THRB: variants seen among roughly 807,000 people sequenced by gnomAD.
THRB encodes the protein nuclear receptor subfamily 1 group A member 2.
A neutral mutation model predicts 47.8 loss-of-function variants in THRB; 12 were observed. The observed-to-expected ratio is 0.25, with a 90% CI of 0.16 to 0.41. THRB has a LOEUF of 0.41. Among genes scored for constraint, THRB ranks in the 10% least tolerant of loss-of-function variants. THRB has a pLI of 1.00. For missense variants in THRB, 348 were observed against 589.2 expected (o/e 0.59, Z 4.24); for synonymous variants, 218 against 212.2 (o/e 1.03, Z -0.24).
At chr3:24,429,573 G>A (rs2070150926) in intron 1 of THRB, among the ~76,000 whole-genome samples, 1 of 152,088 alleles carries the variant, frequency 6.6e-6, no homozygotes, top group South Asian at 2.1e-4. Flanking sequence ...GTGAAGACGA[G>A]AGAATTATCA....
intron 5 of THRB, among the ~76,000 whole-genome samples, chr3:24,183,391 G>T: frequency 7.8e-6 from 1 of 128,622 alleles, no homozygotes; most frequent in South Asian, 2.5e-4. Context: ...TTTTGAGACA[G>T]AGTCTCACTC....
chr3:24,153,703 A>G (rs758458527), intron 5 of THRB, among the ~76,000 whole-genome samples: 6 of 152,110 alleles, frequency 3.9e-5, no homozygotes, highest in Non-Finnish European at 7.4e-5. Flanking sequence ...CCCTCTATCA[A>G]TGGTTTACCA....
intron 2 of THRB, among the ~76,000 whole-genome samples, chr3:24,314,781 G>A (rs902018352): frequency 6.6e-6 from 1 of 152,096 alleles, no homozygotes; most frequent in African/African-American, 2.4e-5. Flanking sequence ...CATATTCCAG[G>A]TGTCCCCTCA....
At chr3:24,245,198 T>G (rs1444853663) in intron 3 of THRB, among the ~76,000 whole-genome samples, 1 of 152,230 alleles carries the variant, frequency 6.6e-6, no homozygotes, top group Non-Finnish European at 1.5e-5. Context: ...GTAAGTTTTC[T>G]GCTCATTGAT....
intron 3 of THRB, among the ~76,000 whole-genome samples, chr3:24,267,294 A>G (rs1397837860): frequency 5.3e-5 from 8 of 152,152 alleles, no homozygotes; most frequent in African/African-American, 1.7e-4. Context: ...ACAATAGAAC[A>G]TAAGGATTAG....
At chr3:24,448,803 C>G (rs1325219654) in intron 1 of THRB, among the ~76,000 whole-genome samples, 1 of 152,132 alleles carries the variant, frequency 6.6e-6, no homozygotes, top group Non-Finnish European at 1.5e-5. Context: ...AATGCCTTTT[C>G]TGAGAAAGAA....
At chr3:24,285,467 G>T (rs1182963826) in intron 3 of THRB, among the ~76,000 whole-genome samples, 1 of 149,142 alleles carries the variant, frequency 6.7e-6, no homozygotes, top group African/African-American at 2.5e-5. Context: ...AGCATTGGGA[G>T]ATATACCTAA....
chr3:24,481,837 TAAA>T (rs35810270), intron 1 of THRB, among the ~76,000 whole-genome samples: 5,029 of 118,942 alleles, frequency 0.042, 110 homozygotes, highest in South Asian at 0.11. Flanking sequence ...ATATGGACCA[TAAA>T]AAAAAAAAAA....
intron 2 of THRB, among the ~76,000 whole-genome samples, chr3:24,308,242 G>C (rs957145114): frequency 3.3e-5 from 5 of 152,164 alleles, no homozygotes; most frequent in African/African-American, 9.7e-5. Flanking sequence ...AAGGGAGATA[G>C]AGTGTATTAA....
At position 24,190,291 on chromosome 3, in the gene THRB, G is replaced by T; in HGVS notation, c.66C>A (p.Asp22Glu). 1 of 1,614,084 alleles carries T rather than the reference G, an allele frequency of 6.2e-7. No individual in the cohort carries two copies. Among genetic ancestry groups the T allele is most frequent in the South Asian group, 1.1e-5 (1 of 91,070 alleles). The change falls in exon 5 of 11, where the codon GAC (aspartate) becomes GAA (glutamate). Residue 22 changes from aspartate to glutamate, a missense_variant. Physicochemically the swap from Asp to Glu is conservative, Grantham distance 45. Around this residue, in one of 5 missense-constraint regions of THRB, gnomAD observed 148 missense variants for 122.3 expected, o/e 1.21. Coordinates refer to ENST00000646209, the MANE Select transcript of THRB (RefSeq NM_001354712.2). ...TAWDKPKHCPDREHDWKLVGM... is the reference protein window; with the variant it reads ...TAWDKPKHCPEREHDWKLVGM... ...CTACTAGCTTCCAGTCGTGTTCTCGGTCTGGACAGTGCTTCGGTTTGTCCC... is the reference window on the plus strand; with the variant it reads ...CTACTAGCTTCCAGTCGTGTTCTCGTTCTGGACAGTGCTTCGGTTTGTCCC...
At chr3:24,134,606 C>A (rs899923276) in intron 8 of THRB, among the ~76,000 whole-genome samples, 1 of 152,162 alleles carries the variant, frequency 6.6e-6, no homozygotes, top group Non-Finnish European at 1.5e-5. Flanking sequence ...GAGCTCCACA[C>A]CTCCTCACCC....
At chr3:24,203,779 G>A (rs1413340339) in intron 4 of THRB, among the ~76,000 whole-genome samples, 1 of 152,224 alleles carries the variant, frequency 6.6e-6, no homozygotes, top group Non-Finnish European at 1.5e-5. Flanking sequence ...GTGACAGACG[G>A]CACCTGGAAA....
At chr3:24,408,974 T>C (rs572695693) in intron 1 of THRB, among the ~76,000 whole-genome samples, 10 of 148,370 alleles carry the variant, frequency 6.7e-5, no homozygotes, top group African/African-American at 2.4e-4. Context: ...ATGGTGGCAG[T>C]TGAAAAAAAT....
chr3:24,165,397 T>A (rs2039511705), intron 5 of THRB: 1 of 726,078 alleles, frequency 1.4e-6, no homozygotes, highest in African/African-American at 1.7e-5. Context: ...ATACACACAG[T>A]CTACGCATGC....
intron 4 of THRB, among the ~76,000 whole-genome samples, chr3:24,197,607 T>G (rs760141730): frequency 1.7e-4 from 26 of 152,158 alleles, no homozygotes; most frequent in Non-Finnish European, 2.2e-4. Context: ...TGATGGGACC[T>G]CAATAAATAT....
At chr3:24,418,261 C>G (rs1185986422) in intron 1 of THRB, among the ~76,000 whole-genome samples, 2 of 150,848 alleles carry the variant, frequency 1.3e-5, no homozygotes, top group Non-Finnish European at 1.5e-5. Flanking sequence ...AAAAAAAAAC[C>G]TGTATTTCTG....
At chr3:24,269,277 CCACACACACA>C (rs4024153) in intron 3 of THRB, among the ~76,000 whole-genome samples, 2,387 of 140,684 alleles carry the variant, frequency 0.017, 28 homozygotes, top group Middle Eastern at 0.04. Context: ...AATGGATACA[CCACACACACA>C]CACACACACA....
chr3:24,204,730 ATCACAAAGAAGCT>A (rs2149772505), intron 4 of THRB, among the ~76,000 whole-genome samples: 1 of 152,342 alleles, frequency 6.6e-6, no homozygotes, highest in South Asian at 2.1e-4. Flanking sequence ...ATTTGAACCC[ATCACAAAGAAGCT>A]AAAAACCTTG....
intron 2 of THRB, among the ~76,000 whole-genome samples, chr3:24,313,052 G>A (rs12330737): frequency 0.026 from 3,884 of 152,186 alleles, 168 homozygotes; most frequent in African/African-American, 0.088. Flanking sequence ...GTTTGGATTT[G>A]GGGGTGAGGG....
Sources: gnomAD v4.1 joint callset for allele counts (sites outside exome capture counted in the v4.1 genomes callset) on GRCh38, gnomAD v4.1.1 for gene constraint, gnomAD v4.1.1 regional missense constraint, MANE v1.5 for transcripts, NCBI Gene and HGNC (gene_info 2026-07-23, HGNC 2026-07-21) for gene names.